Variants in ACSF3 observed in about 807,000 individuals in gnomAD.
ACSF3 encodes malonate--CoA ligase ACSF3, mitochondrial.
In ACSF3, 78 loss-of-function variants were observed where a neutral mutation model predicts 53.2. The ratio of observed to expected loss-of-function variants is 1.47; its 90% CI spans 1.22 to 1.77. The LOEUF is 1.77. ACSF3 is among the 40% of genes most tolerant of loss of function. The probability of loss-of-function intolerance (pLI) is 0.00; values close to 1 mark genes in which losing one functional copy is unlikely to be tolerated. For synonymous variants in ACSF3, 414 were observed against 333.1 expected, an observed-to-expected ratio of 1.24 and a Z score of -2.65; for missense variants, 937 against 771.1, an observed-to-expected ratio of 1.22 and a Z score of -2.55.
intron 7 of ACSF3, among the ~76,000 whole-genome samples, chr16:89,130,496 C>T (rs1362179754): frequency 1.3e-5 from 2 of 152,166 alleles, no homozygotes; most frequent in African/African-American, 4.8e-5. Flanking sequence ...ATTGTTTTAA[C>T]CTGGGAGGTG....
chr16:89,098,530 T>A (rs1301481295), intron 1 of ACSF3, 61 bp from the exon 2 acceptor site: 25 of 400,326 alleles, frequency 6.2e-5, no homozygotes. Context: ...TGTTGAGTGT[T>A]GTGCCTGTGG....
rs1333935276 is a variant in ACSF3 at position 89,114,250 on chromosome 16, G to A, written c.978-89G>A. On this transcript the variant is annotated intron_variant, in intron 5 of 10. Transcript: ENST00000614302. ...AGGAGCTGCCACTTTTGCAAGCAAG[G>A]GCCGCCTCCTGAGGGGCTAAACCTG... 13 of 1,582,906 alleles carry A rather than the reference G, an allele frequency of 8.2e-6. No individual in the cohort carries two copies. In the Admixed American group the frequency reaches 2.2e-4, roughly 27 times the overall value.
Position 89,112,182 on chromosome 16 carries a change from G to T in ACSF3, c.913G>T (p.Asp305Tyr). The change falls in exon 5 of 11, where the codon GAC becomes TAC. Residue 305 changes from aspartate to tyrosine, a missense_variant. By Grantham distance (160) the Asp-to-Tyr change is radical (BLOSUM62 -3). Coordinates refer to ENST00000614302, the MANE Select transcript of ACSF3 (RefSeq NM_001243279.3). Reference protein sequence around the residue: ...TIYTKLMEYYDRHFTQPHAQD... With the variant: ...TIYTKLMEYYYRHFTQPHAQD... ...ATACACCAAGCTGATGGAGTACTAC[G>T]ACAGGCATTTTACCCAGCCGCACGC... 1.5e-6 allele frequency: 2 copies of T among 1,377,114 alleles called. No homozygotes were observed. Among genetic ancestry groups the T allele is most frequent in the Non-Finnish European group, 1.9e-6 (2 of 1,049,904 alleles). 85.3% of individuals were successfully genotyped at this position (1,377,114 alleles called of 1,614,324 possible). A position where few individuals can be genotyped will look rare whatever the true frequency, so the allele number is the denominator to read the frequency against.
At chr16:89,103,342 T>C (rs1383346167) in intron 4 of ACSF3, among the ~76,000 whole-genome samples, 1 of 152,216 alleles carries the variant, frequency 6.6e-6, no homozygotes, top group African/African-American at 2.4e-5. Flanking sequence ...CTTGCGGAGC[T>C]GATGCTGGGT....
Position 89,112,148 on chromosome 16 carries a change from G to A in ACSF3, c.879G>A (p.Val293=), listed in dbSNP as rs774100742. 2 of 1,136,746 alleles carry A rather than the reference G, an allele frequency of 1.8e-6. No individual in the cohort carries two copies. Among genetic ancestry groups the A allele is most frequent in the South Asian group, 4.1e-5 (2 of 49,226 alleles). The allele number at this position is 1,136,746 out of a possible 1,614,324, so 70.4% of individuals were successfully genotyped here. ...ETPRINVFMA[V]PTIYTKLMEY... Reference sequence around the variant, plus strand: ...CGCGGATCAATGTCTTTATGGCAGTGCCTACAATATACACCAAGCTGATGG... The same window carrying A: ...CGCGGATCAATGTCTTTATGGCAGTACCTACAATATACACCAAGCTGATGG... Residue 293 remains valine, a synonymous_variant, in exon 5 of 11, where the codon GTG becomes GTA. Transcript: ENST00000614302.
chr16:89,097,393 G>A (rs530484931), intron 1 of ACSF3, among the ~76,000 whole-genome samples: 40 of 152,308 alleles, frequency 2.6e-4, no homozygotes, highest in Middle Eastern at 3.4e-3. Context: ...CTAGTGCTCC[G>A]CTCCTTAGCA....
At chr16:89,122,624 A>T in intron 7 of ACSF3, 1 of 225,812 alleles carries the variant, frequency 4.4e-6, no homozygotes, top group Non-Finnish European at 9.5e-6. Flanking sequence ...CTAGTCAGAA[A>T]TGTCCCCAGC....
intron 5 of ACSF3, among the ~76,000 whole-genome samples, chr16:89,112,742 C>T (rs117748757): frequency 8.5e-5 from 13 of 152,366 alleles, no homozygotes; most frequent in Non-Finnish European, 1.9e-4. Context: ...GTCCGTCTCT[C>T]TCTCTCTCTG....
chr16:89,104,516 G>C (rs1975737058), intron 4 of ACSF3, among the ~76,000 whole-genome samples: 1 of 152,224 alleles, frequency 6.6e-6, no homozygotes, highest in African/African-American at 2.4e-5. Flanking sequence ...GGAGCTCTGA[G>C]GCCTCTGACC....
At position 89,154,363 on chromosome 16, in the gene ACSF3, T is replaced by C; in HGVS notation, c.*156T>C. On this transcript the variant is annotated 3_prime_UTR_variant, in exon 11 of 11. Transcript: ENST00000614302. ...AGAACTGTTTGGGATGAAATCACCA[T>C]GTGGGGTCCCCAGCCTCGGGCCAGT... is the stretch of plus-strand genomic sequence containing the variant. 1.3e-6 allele frequency: 1 copy of C among 770,042 alleles called. No homozygotes were observed. The highest frequency in any genetic ancestry group is 2.2e-6 in the Non-Finnish European group (1 of 450,406). 47.7% of individuals were successfully genotyped at this position (770,042 alleles called of 1,614,324 possible).
intron 4 of ACSF3, among the ~76,000 whole-genome samples, chr16:89,110,868 G>C (rs1377123138): frequency 6.6e-6 from 1 of 152,158 alleles, no homozygotes; most frequent in African/African-American, 2.4e-5. Context: ...CGGTGCTGCT[G>C]TCTCCCGCAC....
chr16:89,150,872 C>T (rs1231976577), intron 10 of ACSF3: 2 of 759,620 alleles, frequency 2.6e-6, no homozygotes, highest in African/African-American at 1.8e-5. Context: ...TGTCCATTCA[C>T]CATGAAAGAA....
At chr16:89,132,274 C>T (rs1909494016) in intron 7 of ACSF3, among the ~76,000 whole-genome samples, 1 of 152,242 alleles carries the variant, frequency 6.6e-6, no homozygotes, top group Non-Finnish European at 1.5e-5. Flanking sequence ...CAGTCACTTT[C>T]ACAGTAGAGA....
intron 5 of ACSF3, among the ~76,000 whole-genome samples, chr16:89,112,803 C>T (rs1904311006): frequency 6.6e-6 from 1 of 152,234 alleles, no homozygotes; most frequent in African/African-American, 2.4e-5. Context: ...CCCGCTTGCT[C>T]CTGCTTCATC....
chr16:89,101,802 A>G (rs367895825), intron 3 of ACSF3, among the ~76,000 whole-genome samples: 3 of 152,320 alleles, frequency 2.0e-5, no homozygotes, highest in African/African-American at 7.2e-5. Context: ...ACAGTGTCAT[A>G]ACGTCTCCTA....
At chr16:89,124,920 T>C (rs890365781) in intron 7 of ACSF3, among the ~76,000 whole-genome samples, 3 of 152,272 alleles carry the variant, frequency 2.0e-5, no homozygotes, top group African/African-American at 7.2e-5. Flanking sequence ...TTGATCTATG[T>C]TTCCATTCCT....
chr16:89,136,449 A>G, intron 8 of ACSF3: 1 of 1,140,610 alleles, frequency 8.8e-7, no homozygotes, highest in Non-Finnish European at 1.1e-6. Flanking sequence ...GCTGCTGCAT[A>G]ATGAGAGCCT....
At chr16:89,146,299 CAG>C (rs1238764147) in intron 10 of ACSF3, among the ~76,000 whole-genome samples, 1 of 152,176 alleles carries the variant, frequency 6.6e-6, no homozygotes, top group Non-Finnish European at 1.5e-5. Flanking sequence ...ATTCCTGGGA[CAG>C]GGCCCTGTAC....
At chr16:89,123,485 G>A (rs185736693) in intron 7 of ACSF3, among the ~76,000 whole-genome samples, 2 of 152,180 alleles carry the variant, frequency 1.3e-5, no homozygotes, top group African/African-American at 4.8e-5. Context: ...GATCCACGTG[G>A]CTCAAGTGAG....
Sources: allele counts gnomAD v4.1 joint callset (sites outside exome capture counted in the v4.1 genomes callset), GRCh38; gene constraint gnomAD v4.1.1; transcripts MANE v1.5; gene names NCBI Gene and HGNC (gene_info 2026-07-23, HGNC 2026-07-21).